Variants in GALNT2 observed in about 807,000 individuals in gnomAD.
GALNT2 encodes the protein polypeptide N-acetylgalactosaminyltransferase 2.
Under a neutral mutation model 81.4 loss-of-function variants are expected in GALNT2, and 31 were observed. The observed-to-expected ratio is 0.38, with a 90% CI of 0.29 to 0.51. GALNT2 has a LOEUF of 0.51. GALNT2 is among the 20% of genes least tolerant of loss of function. The probability of loss-of-function intolerance (pLI) is 0.87; values close to 1 mark genes in which losing one functional copy is unlikely to be tolerated. For missense variants in GALNT2, 629 were observed against 765.7 expected (o/e 0.82, Z 2.11); for synonymous variants, 303 against 287.4 (o/e 1.05, Z -0.55).
chr1:230,075,711 A>G (rs1159293003), intron 1 of GALNT2, among the ~76,000 whole-genome samples: 1 of 152,230 alleles, frequency 6.6e-6, no homozygotes, highest in African/African-American at 2.4e-5. Flanking sequence ...CAGACAGTAG[A>G]CATGAAGTCA....
chr1:230,198,974 G>A (rs1663798622), intron 2 of GALNT2, among the ~76,000 whole-genome samples: 1 of 152,016 alleles, frequency 6.6e-6, no homozygotes, highest in South Asian at 2.1e-4. Flanking sequence ...TGGTGATGAA[G>A]CTAGTTTCTG....
chr1:230,142,729 A>G (rs1174026004), intron 1 of GALNT2, among the ~76,000 whole-genome samples: 2 of 150,190 alleles, frequency 1.3e-5, no homozygotes, highest in African/African-American at 2.5e-5. Context: ...CTAAGTTCGC[A>G]TGCTCATTTG....
At position 230,133,493 on chromosome 1, in the gene GALNT2, C is replaced by G. The variant is rs1661436275; in HGVS notation, c.127-44725C>G. ...ACAGAGTCTCACTCTGTCGACCAGG[C>G]TGGAGGCTGGAGTGCAGTGGCATGA... On this transcript the variant is annotated intron_variant, in intron 1 of 15. Coordinates refer to ENST00000366672, the MANE Select transcript of GALNT2 (RefSeq NM_004481.5). Among the ~76,000 whole-genome samples the G allele has an allele frequency of 2.0e-5, 3 of 149,658 alleles. No homozygotes were observed. The South Asian group carries it at 6.4e-4, about 32-fold the overall frequency.
rs1660386108 is a variant in GALNT2, at chr1:230,100,996, CCATTGTGTTACCTA to C, written c.126+33593_126+33606del. Reference sequence around the variant, plus strand: ...TCTTTTCTATTTTAGATAACAAATACCATTGTGTTACCTACAGTATTCAGGACAGTCACATGCTA... The same window carrying C: ...TCTTTTCTATTTTAGATAACAAATACCAGTATTCAGGACAGTCACATGCTA... On this transcript the variant is annotated intron_variant, in intron 1 of 15. Coordinates refer to ENST00000366672, the MANE Select transcript of GALNT2 (RefSeq NM_004481.5). Among the ~76,000 whole-genome samples, 3 of 152,190 alleles carry C rather than the reference CCATTGTGTTACCTA, an allele frequency of 2.0e-5. No individual in the cohort carries two copies. In the South Asian group the frequency reaches 6.2e-4, roughly 32 times the overall value.
rs1487621553 is a variant in GALNT2, at chr1:230,279,895, T to TCA, written c.*439_*440dup. Reference sequence around the variant, plus strand: ...ATCTCCATTTTCAATCCCTTCGAAATCACGTATGGTTTCCACAAAGCCGAG... The same window carrying TCA: ...ATCTCCATTTTCAATCCCTTCGAAATCACACGTATGGTTTCCACAAAGCCGAG... On this transcript the variant is annotated 3_prime_UTR_variant, in exon 16 of 16. Transcript: ENST00000366672. This position sits in a 1 kb window ranked among gnomAD's most constrained non-coding sequence, Gnocchi z 4.6. The TCA allele has an allele frequency of 2.0e-5, 9 of 458,068 alleles. No individual in the cohort carries two copies. The highest frequency in any genetic ancestry group is 3.9e-5 in the Non-Finnish European group (9 of 228,552). 28.4% of individuals were successfully genotyped at this position (458,068 alleles called of 1,614,324 possible).
intron 1 of GALNT2, among the ~76,000 whole-genome samples, chr1:230,117,667 CA>C (rs1380487955): frequency 6.6e-6 from 1 of 152,160 alleles, no homozygotes; most frequent in African/African-American, 2.4e-5. Flanking sequence ...TTGTATGGTT[CA>C]TGGTGCTCCA....
At position 230,193,994 on chromosome 1, in the gene GALNT2, C is replaced by T. The variant is rs1308594111; in HGVS notation, c.221-9143C>T. ...CCACTCTCTGCTCAAGGGACACTGT[C>T]CTGCTCTCCAGCCTCGATAAGATGG... On this transcript the variant is annotated intron_variant, in intron 2 of 15. Coordinates refer to ENST00000366672, the MANE Select transcript of GALNT2 (RefSeq NM_004481.5). This position sits in a 1 kb window ranked among gnomAD's most constrained non-coding sequence, Gnocchi z 4.3. 2.0e-5 allele frequency among the ~76,000 whole-genome samples: 3 copies of T among 152,184 alleles called. No homozygotes were observed. The highest frequency in any genetic ancestry group is 4.4e-5 in the Non-Finnish European group (3 of 68,028).
At chr1:230,071,646 C>T (rs181407960) in intron 1 of GALNT2, among the ~76,000 whole-genome samples, 61 of 152,144 alleles carry the variant, frequency 4.0e-4, no homozygotes, top group Non-Finnish European at 3.2e-4. Flanking sequence ...TTGGTGGATG[C>T]GGAGGGGAAC....
chr1:230,059,666 G>A lies in GALNT2; in HGVS notation n.89+1588G>A, dbSNP rs190727915. 4.6e-5 allele frequency among the ~76,000 whole-genome samples: 7 copies of A among 152,282 alleles called. No individual in the cohort carries two copies. The East Asian group carries it at 1.3e-3, about 29-fold the overall frequency. On this transcript the variant is annotated intron_variant and non_coding_transcript_variant, in intron 1 of 6. Coordinates refer to the GALNT2 transcript ENST00000494106. ...AAACTTCAGGGTCACCATATTGCATGTAAAACCACTTTTAAAGAAAACGAT... is the reference window on the plus strand; with the variant it reads ...AAACTTCAGGGTCACCATATTGCATATAAAACCACTTTTAAAGAAAACGAT...
intron 1 of GALNT2, among the ~76,000 whole-genome samples, chr1:230,059,435 A>G (rs934549233): frequency 2.6e-5 from 4 of 152,250 alleles, no homozygotes; most frequent in Non-Finnish European, 1.5e-5. Context: ...CTTACCTGTA[A>G]ACACTAGAAG....
intron 1 of GALNT2, among the ~76,000 whole-genome samples, chr1:230,170,974 A>C (rs1205472059): frequency 6.6e-6 from 1 of 152,106 alleles, no homozygotes; most frequent in African/African-American, 2.4e-5. Context: ...CACCTAGTTA[A>C]CTCTGGTGTT....
chr1:230,067,551 C>G (rs1363711088), intron 1 of GALNT2, 145 bp downstream of exon 1: 1 of 285,024 alleles, frequency 3.5e-6, no homozygotes. Flanking sequence ...GCCTCCGCGC[C>G]GAGTGCCCAG....
chr1:230,132,191 C>G (rs779547856), intron 1 of GALNT2, among the ~76,000 whole-genome samples: 1 of 152,166 alleles, frequency 6.6e-6, no homozygotes, highest in Non-Finnish European at 1.5e-5. Flanking sequence ...TCTCAAGTAG[C>G]AGTAACAGTA....
chr1:230,229,509 G>C (rs529040878), intron 3 of GALNT2, among the ~76,000 whole-genome samples: 1 of 152,330 alleles, frequency 6.6e-6, no homozygotes, highest in East Asian at 1.9e-4. Context: ...AGCCACTTGA[G>C]ATTAAGTTGG....
At chr1:230,116,133 C>T (rs1205449598) in intron 1 of GALNT2, among the ~76,000 whole-genome samples, 4 of 152,206 alleles carry the variant, frequency 2.6e-5, no homozygotes, top group Non-Finnish European at 5.9e-5. Flanking sequence ...TTCTTAATGG[C>T]AACTGTAAGG....
Position 230,186,550 on chromosome 1 carries a change from G to A in GALNT2, c.220+8239G>A, listed in dbSNP as rs373164129. On this transcript the variant is annotated intron_variant, in intron 2 of 15. Coordinates refer to ENST00000366672, the MANE Select transcript of GALNT2 (RefSeq NM_004481.5). ...ACTTCTGTTGTGTGGATTAATGAGA[G>A]ACTTCCTATGGATTATCTTCTATTA... Among the ~76,000 whole-genome samples the A allele has an allele frequency of 5.3e-5, 8 of 152,346 alleles. No homozygotes were observed. In the South Asian group the frequency reaches 1.7e-3, roughly 32 times the overall value.
At chr1:230,183,131 T>C (rs1400012083) in intron 2 of GALNT2, among the ~76,000 whole-genome samples, 1 of 152,218 alleles carries the variant, frequency 6.6e-6, no homozygotes, top group Non-Finnish European at 1.5e-5. Context: ...TAAAGGCCAT[T>C]CTTTATCATT....
chr1:230,074,293 A>T (rs1233021104), intron 1 of GALNT2, among the ~76,000 whole-genome samples: 1 of 152,078 alleles, frequency 6.6e-6, no homozygotes, highest in Non-Finnish European at 1.5e-5. Context: ...GGGTTTCACT[A>T]TGTTGCCCAG....
chr1:230,174,259 C>T (rs1424093138), intron 1 of GALNT2, among the ~76,000 whole-genome samples: 1 of 152,194 alleles, frequency 6.6e-6, no homozygotes, highest in Admixed American at 6.5e-5. Context: ...CCCCACGTGT[C>T]ATGCGGGGTC....
Sources: gnomAD v4.1 joint callset for allele counts (sites outside exome capture counted in the v4.1 genomes callset) on GRCh38, gnomAD v4.1.1 for gene constraint, Gnocchi (gnomAD v3.1) non-coding constraint, MANE v1.5 for transcripts, NCBI Gene and HGNC (gene_info 2026-07-23, HGNC 2026-07-21) for gene names.